LRP1B: variants seen among roughly 807,000 people sequenced by gnomAD.
LRP1B encodes LDL receptor related protein 1B.
In LRP1B, 217 loss-of-function variants were observed where a neutral mutation model predicts 556.6. That is an observed-to-expected ratio of 0.39 (90% CI 0.35 to 0.44). The LOEUF (loss-of-function observed/expected upper bound fraction) is 0.44, where lower values mean the gene tolerates loss of function less well. Ranked by LOEUF, LRP1B falls within the 20% of genes least tolerant of loss-of-function variation. The pLI, the probability that LRP1B is intolerant of heterozygous loss-of-function variation, is 1.00. For synonymous variants in LRP1B, 2,047 were observed against 1,865.8 expected, an observed-to-expected ratio of 1.10 and a Z score of -2.50; for missense variants, 5,053 against 5,620.8, an observed-to-expected ratio of 0.90 and a Z score of 3.23.
At chr2:142,130,240 G>C (rs1232898268) in intron 1 of LRP1B, among the ~76,000 whole-genome samples, 1 of 152,246 alleles carries the variant, frequency 6.6e-6, no homozygotes, top group East Asian at 1.9e-4. Context: ...GCTAAGTTGA[G>C]GGCGGACACG....
chr2:141,695,182 C>G (rs1456399634), intron 2 of LRP1B, among the ~76,000 whole-genome samples: 2 of 151,834 alleles, frequency 1.3e-5, no homozygotes, highest in East Asian at 3.9e-4. Context: ...GCTGTATTTA[C>G]CGTTTTTCCT....
At chr2:140,643,556 A>G (rs1574183051) in intron 41 of LRP1B, among the ~76,000 whole-genome samples, 1 of 152,342 alleles carries the variant, frequency 6.6e-6, no homozygotes, top group East Asian at 1.9e-4. Context: ...TAAAATGTGA[A>G]TTTTAAAAAT....
chr2:140,766,706 CA>C (rs1257345939), intron 35 of LRP1B, among the ~76,000 whole-genome samples: 1 of 150,576 alleles, frequency 6.6e-6, no homozygotes, highest in Non-Finnish European at 1.5e-5. Flanking sequence ...AGTGAAGAAA[CA>C]CCCTTTTTTC....
chr2:141,823,076 A>G (rs534945112), intron 1 of LRP1B, among the ~76,000 whole-genome samples: 15 of 152,258 alleles, frequency 9.9e-5, no homozygotes, highest in Non-Finnish European at 1.8e-4. Context: ...TCCACTATGG[A>G]AACAGGGAAG....
chr2:141,988,690 T>C (rs915674422), intron 1 of LRP1B, among the ~76,000 whole-genome samples: 18 of 152,048 alleles, frequency 1.2e-4, no homozygotes, highest in Non-Finnish European at 2.5e-4. Flanking sequence ...TCTGAAGATA[T>C]TTGCAGTGGT....
At chr2:140,591,829 A>AT (rs1429005780) in intron 43 of LRP1B, among the ~76,000 whole-genome samples, 2 of 152,128 alleles carry the variant, frequency 1.3e-5, no homozygotes, top group African/African-American at 2.4e-5. Context: ...TATACTTATT[A>AT]TTTTTCAGGG....
intron 59 of LRP1B, among the ~76,000 whole-genome samples, chr2:140,483,613 C>T (rs867876180): frequency 3.6e-4 from 29 of 79,730 alleles, no homozygotes; most frequent in Middle Eastern, 5.7e-3. Flanking sequence ...CACACACACA[C>T]ACATATATAT....
intron 2 of LRP1B, among the ~76,000 whole-genome samples, chr2:141,639,375 T>C (rs56345995): frequency 0.46 from 46,094 of 99,934 alleles, 13,036 homozygotes; most frequent in Non-Finnish European, 0.58. Context: ...TATATATATA[T>C]ACACATATAT....
chr2:141,668,799 A>G, intron 2 of LRP1B, among the ~76,000 whole-genome samples: 1 of 152,158 alleles, frequency 6.6e-6, no homozygotes, highest in East Asian at 1.9e-4. Context: ...GAACACTGTA[A>G]CAAGCCTACT....
intron 1 of LRP1B, among the ~76,000 whole-genome samples, chr2:141,819,315 C>CA (rs972350260): frequency 2.6e-4 from 40 of 152,162 alleles, no homozygotes; most frequent in African/African-American, 8.4e-4. Flanking sequence ...ACTGGATCCA[C>CA]AACCGTCTAC....
intron 43 of LRP1B, among the ~76,000 whole-genome samples, chr2:140,563,966 C>A (rs912023418): frequency 2.0e-5 from 3 of 152,078 alleles, no homozygotes; most frequent in African/African-American, 7.2e-5. Flanking sequence ...CAAGTGCAAG[C>A]CCTATGGGAG....
chr2:141,339,765 T>C (rs1381484965), intron 3 of LRP1B, among the ~76,000 whole-genome samples: 1 of 91,806 alleles, frequency 1.1e-5, no homozygotes, highest in East Asian at 2.1e-4. Flanking sequence ...TTTATTTTTC[T>C]CTTTTATTTA....
chr2:140,715,333 A>C (rs1031580688), intron 37 of LRP1B, among the ~76,000 whole-genome samples: 10 of 152,206 alleles, frequency 6.6e-5, no homozygotes, highest in African/African-American at 1.9e-4. Context: ...ATAATATCAA[A>C]TTTAATTAGG....
At chr2:141,162,336 C>T (rs902369326) in intron 7 of LRP1B, among the ~76,000 whole-genome samples, 1 of 152,188 alleles carries the variant, frequency 6.6e-6, no homozygotes, top group African/African-American at 2.4e-5. Flanking sequence ...GGAGGGGTAA[C>T]ATTACCCTGG....
chr2:141,263,564 A>T (rs1684778900), intron 3 of LRP1B, among the ~76,000 whole-genome samples: 1 of 152,170 alleles, frequency 6.6e-6, no homozygotes, highest in Non-Finnish European at 1.5e-5. Context: ...TTCCCTGAAG[A>T]TTCTACCAAA....
chr2:142,122,977 C>T (rs1003939620), intron 1 of LRP1B, among the ~76,000 whole-genome samples: 1 of 152,000 alleles, frequency 6.6e-6, no homozygotes, highest in African/African-American at 2.4e-5. Context: ...TTCTAATTAG[C>T]TCAGCTACTT....
At chr2:141,403,004 T>G (rs181269872) in intron 3 of LRP1B, among the ~76,000 whole-genome samples, 267 of 152,228 alleles carry the variant, frequency 1.8e-3, no homozygotes, top group Non-Finnish European at 3.2e-3. Flanking sequence ...ATATCAACTT[T>G]TTCTTGGTAT....
chr2:140,602,838 C>T (rs2105203232), intron 41 of LRP1B, among the ~76,000 whole-genome samples: 1 of 151,602 alleles, frequency 6.6e-6, no homozygotes, highest in Admixed American at 6.6e-5. Context: ...ATGATAAAAA[C>T]TGCTTTTCAT....
chr2:141,033,888 T>C (rs1260184489), intron 11 of LRP1B, among the ~76,000 whole-genome samples: 1 of 152,196 alleles, frequency 6.6e-6, no homozygotes, highest in Non-Finnish European at 1.5e-5. Flanking sequence ...TTTGTGTTCT[T>C]GAAGCTTTAT....
Sources: allele counts gnomAD v4.1 joint callset (sites outside exome capture counted in the v4.1 genomes callset), GRCh38; gene constraint gnomAD v4.1.1; transcripts MANE v1.5; gene names NCBI Gene and HGNC (gene_info 2026-07-23, HGNC 2026-07-21).